Variants in TFEC observed in about 807,000 individuals in gnomAD.
TFEC encodes the protein transcription factor EC.
In TFEC, 31 loss-of-function variants were observed where a neutral mutation model predicts 41.6. That is an observed-to-expected ratio of 0.74 (90% CI 0.56 to 1.01). TFEC has a LOEUF of 1.01. TFEC is among the 50% of genes least tolerant of loss of function. The pLI, the probability that TFEC is intolerant of heterozygous loss-of-function variation, is 0.00. For missense variants in TFEC, 402 were observed against 404.1 expected, an observed-to-expected ratio of 0.99 and a Z score of 0.04; for synonymous variants, 143 against 140.6, an observed-to-expected ratio of 1.02 and a Z score of -0.12.
At position 116,102,504 on chromosome 7, in the gene TFEC, T is replaced by C. The variant is rs187579649; in HGVS notation, c.198+8204A>G. On this transcript the variant is annotated intron_variant, in intron 3 of 8. Transcript: ENST00000484212. ...ATACAGAAATAATGATGACAAATAA[T>C]GATGACCTTGATTAGGGTGGTAGCA... Among the ~76,000 whole-genome samples the C allele has an allele frequency of 3.9e-5, 6 of 152,206 alleles. No homozygotes were observed. The East Asian group carries it at 9.7e-4, about 25-fold the overall frequency.
At chr7:116,130,053 C>T (rs1222747128) in intron 1 of TFEC, among the ~76,000 whole-genome samples, 1 of 146,828 alleles carries the variant, frequency 6.8e-6, no homozygotes, top group Non-Finnish European at 1.5e-5. Flanking sequence ...AGAACACACA[C>T]ACACACACAC....
Position 116,060,712 on chromosome 7 carries a change from T to TG in TFEC, c.198+49995dup, listed in dbSNP as rs1317422201. 2.6e-5 allele frequency among the ~76,000 whole-genome samples: 4 copies of TG among 152,068 alleles called. No individual in the cohort carries two copies. In the South Asian group the frequency reaches 6.2e-4, roughly 24 times the overall value. On this transcript the variant is annotated intron_variant, in intron 3 of 8. Transcript: ENST00000484212. ...GAACAGACCCTGGGGTCTACATGAATGGGGAGATGGGAAGAAGGAGAGGAG... is the reference window on the plus strand; with the variant it reads ...GAACAGACCCTGGGGTCTACATGAATGGGGGAGATGGGAAGAAGGAGAGGAG...
chr7:116,156,786 G>A (rs369361146), intron 1 of TFEC, among the ~76,000 whole-genome samples: 1 of 152,130 alleles, frequency 6.6e-6, no homozygotes, highest in East Asian at 1.9e-4. Context: ...CACGGTAAAG[G>A]CATTCATACC....
chr7:115,960,948 A>G (rs1010435586), intron 3 of TFEC, among the ~76,000 whole-genome samples: 1 of 151,722 alleles, frequency 6.6e-6, no homozygotes, highest in Non-Finnish European at 1.5e-5. Flanking sequence ...CCTAAAAGGT[A>G]TAACAATTAC....
chr7:116,080,956 C>T (rs1018365593), intron 3 of TFEC, among the ~76,000 whole-genome samples: 2 of 147,100 alleles, frequency 1.4e-5, no homozygotes, highest in African/African-American at 5.1e-5. Context: ...CATCAATCAA[C>T]GAGTGGATAA....
chr7:115,985,414 G>A lies in TFEC; in HGVS notation c.-72-901C>T, dbSNP rs115978217. ...GTCTTTATATTTACTGTGCTATTCT[G>A]TGGCTTCTAATACATTTTTCTCAAG... On this transcript the variant is annotated intron_variant, in intron 1 of 7. Transcript: ENST00000265440. Among the ~76,000 whole-genome samples the A allele has an allele frequency of 7.7e-3, 1,173 of 152,168 alleles. 25 individuals are homozygous for A. Among genetic ancestry groups the A allele is most frequent in the African/African-American group, 0.027 (1,117 of 41,526 alleles).
chr7:115,971,622 G>T (rs913099804), intron 3 of TFEC, among the ~76,000 whole-genome samples: 1 of 151,906 alleles, frequency 6.6e-6, no homozygotes, highest in Admixed American at 6.6e-5. Context: ...TGCTCAACTT[G>T]CCAGAATTGC....
At chr7:116,140,109 T>C (rs1170856193) in intron 1 of TFEC, among the ~76,000 whole-genome samples, 1 of 151,886 alleles carries the variant, frequency 6.6e-6, no homozygotes, top group East Asian at 1.9e-4. Context: ...CCAGGAGAGG[T>C]GAAGGACTGT....
At chr7:116,049,860 A>T (rs187240925) in intron 3 of TFEC, among the ~76,000 whole-genome samples, 8 of 152,354 alleles carry the variant, frequency 5.3e-5, no homozygotes, top group African/African-American at 1.9e-4. Context: ...GAAACTGAAC[A>T]ACCTGCTCCT....
intron 3 of TFEC, among the ~76,000 whole-genome samples, chr7:116,059,203 A>C (rs1409408211): frequency 6.6e-6 from 1 of 151,900 alleles, no homozygotes; most frequent in Non-Finnish European, 1.5e-5. Flanking sequence ...CACAGATATT[A>C]AAAGGATGAT....
At chr7:115,946,646 T>G (rs1354942001) in intron 6 of TFEC, among the ~76,000 whole-genome samples, 1 of 136,092 alleles carries the variant, frequency 7.3e-6, no homozygotes, top group Non-Finnish European at 1.5e-5. Context: ...CTTTATTTTC[T>G]TTTTCTTTCT....
chr7:116,102,895 AG>A (rs1484130763), intron 3 of TFEC, among the ~76,000 whole-genome samples: 7 of 152,212 alleles, frequency 4.6e-5, no homozygotes, highest in South Asian at 2.1e-4. Context: ...TTATCGAAGC[AG>A]TGTTAGTGGA....
chr7:116,081,306 T>TAA (rs113044710), intron 3 of TFEC, among the ~76,000 whole-genome samples: 4 of 146,574 alleles, frequency 2.7e-5, no homozygotes, highest in Non-Finnish European at 3.0e-5. Flanking sequence ...ATCTCAGAAA[T>TAA]AAAAAAAAAA....
At chr7:116,039,414 G>T (rs1795981543) in intron 3 of TFEC, among the ~76,000 whole-genome samples, 1 of 146,474 alleles carries the variant, frequency 6.8e-6, no homozygotes, top group African/African-American at 2.6e-5. Context: ...TAAAACAAAA[G>T]AAAATTCTGT....
At chr7:116,137,341 A>G (rs974359625) in intron 1 of TFEC, among the ~76,000 whole-genome samples, 1 of 152,124 alleles carries the variant, frequency 6.6e-6, no homozygotes, top group Non-Finnish European at 1.5e-5. Flanking sequence ...TTACCAGTGG[A>G]CTTCTAAATC....
At chr7:115,986,629 T>C (rs940508) in intron 1 of TFEC, among the ~76,000 whole-genome samples, 56,358 of 151,632 alleles carry the variant, frequency 0.37, 11,280 homozygotes, top group Non-Finnish European at 0.45. Flanking sequence ...TCAAATATTC[T>C]CAGCAAACTA....
intron 1 of TFEC, among the ~76,000 whole-genome samples, chr7:116,004,277 T>C (rs1794706393): frequency 6.6e-6 from 1 of 152,048 alleles, no homozygotes; most frequent in Non-Finnish European, 1.5e-5. Context: ...CAAATTATTA[T>C]CAAAAATAAA....
chr7:115,946,608 T>TTTTC (rs1373169193), intron 6 of TFEC, among the ~76,000 whole-genome samples: 1 of 119,784 alleles, frequency 8.3e-6, no homozygotes, highest in Non-Finnish European at 1.9e-5. Context: ...TTTCTTTCTT[T>TTTTC]TTTCTTTCTT....
At chr7:116,096,825 C>A (rs1797472605) in intron 3 of TFEC, among the ~76,000 whole-genome samples, 1 of 152,024 alleles carries the variant, frequency 6.6e-6, no homozygotes, top group Non-Finnish European at 1.5e-5. Flanking sequence ...GGCGCTGTGG[C>A]TCACGCCTGT....
Sources: allele counts gnomAD v4.1 joint callset (sites outside exome capture counted in the v4.1 genomes callset), GRCh38; gene constraint gnomAD v4.1.1; transcripts MANE v1.5; gene names NCBI Gene and HGNC (gene_info 2026-07-23, HGNC 2026-07-21).